Variants in GABBR2 observed in about 807,000 individuals in gnomAD.
The protein encoded by GABBR2 is gamma-aminobutyric acid type B receptor subunit 2.
A neutral mutation model predicts 105.6 loss-of-function variants in GABBR2; 23 were observed. The ratio of observed to expected loss-of-function variants is 0.22; its 90% CI spans 0.16 to 0.31. The LOEUF is 0.31. Ranked by LOEUF, GABBR2 falls within the 10% of genes least tolerant of loss-of-function variation. The pLI is 1.00. For synonymous variants in GABBR2, 478 were observed against 499.7 expected, an observed-to-expected ratio of 0.96 and a Z score of 0.58; for missense variants, 734 against 1,245.5, an observed-to-expected ratio of 0.59 and a Z score of 6.18.
intron 2 of GABBR2, among the ~76,000 whole-genome samples, chr9:98,569,672 T>C (rs1470079421): frequency 6.6e-6 from 1 of 152,206 alleles, no homozygotes; most frequent in East Asian, 1.9e-4. Context: ...CGGAGCCCAG[T>C]GTCGCTGTTA....
At chr9:98,387,321 G>T (rs1454626370) in intron 10 of GABBR2, among the ~76,000 whole-genome samples, 1 of 152,222 alleles carries the variant, frequency 6.6e-6, no homozygotes, top group Non-Finnish European at 1.5e-5. Context: ...CCAAGAGGGG[G>T]TAGTTAAGGA....
chr9:98,385,904 G>T (rs749722392), intron 10 of GABBR2, 132 bp from the exon 11 acceptor site: 3 of 681,960 alleles, frequency 4.4e-6, no homozygotes, highest in Admixed American at 5.3e-5. Flanking sequence ...ACAGAAATAC[G>T]CCATGGGGCC....
chr9:98,708,607 C>G lies in GABBR2; in HGVS notation c.131G>C (p.Arg44Pro), dbSNP rs765018232. 2.9e-6 allele frequency: 4 copies of G among 1,399,492 alleles called. No individual in the cohort carries two copies. Among genetic ancestry groups the G allele is most frequent in the South Asian group, 1.6e-5 (1 of 62,676 alleles). The allele number at this position is 1,399,492 out of a possible 1,614,324, so 86.7% of individuals were successfully genotyped here. ...PLAPGAWGWA[R>P]GAPRPPPSSP... is the part of the protein sequence containing the mutation. Reference sequence around the variant, plus strand: ...GCTGGGCGGCGGCCGGGGGGCGCCCCGCGCCCAGCCCCAGGCCCCGGGCGC... The same window carrying G: ...GCTGGGCGGCGGCCGGGGGGCGCCCGGCGCCCAGCCCCAGGCCCCGGGCGC... Residue 44 changes from arginine (R) to proline (P), a missense_variant, in exon 1 of 19, where the codon CGG becomes CCG. By Grantham distance (103) the Arg-to-Pro change is moderately radical (BLOSUM62 -2). This residue lies in a region of GABBR2 where 70 missense variants were observed against 73.4 expected (regional missense o/e 0.95). Transcript: ENST00000259455.
chr9:98,376,435 A>G (rs1488675016), intron 11 of GABBR2, among the ~76,000 whole-genome samples: 1 of 152,160 alleles, frequency 6.6e-6, no homozygotes, highest in Non-Finnish European at 1.5e-5. Flanking sequence ...ACACAGGGGC[A>G]AGTCACTTTC....
intron 2 of GABBR2, among the ~76,000 whole-genome samples, chr9:98,557,812 CA>C (rs1458923010): frequency 1.3e-5 from 2 of 152,150 alleles, no homozygotes; most frequent in African/African-American, 4.8e-5. Flanking sequence ...AATTATGAGT[CA>C]GTTTAAGGGA....
chr9:98,604,323 C>A (rs1273942589), intron 1 of GABBR2, among the ~76,000 whole-genome samples: 2 of 152,230 alleles, frequency 1.3e-5, no homozygotes, highest in Non-Finnish European at 2.9e-5. Context: ...ACAGTTTCTG[C>A]AGGACAGGAC....
chr9:98,536,778 A>G (rs1437680286), intron 3 of GABBR2, among the ~76,000 whole-genome samples: 1 of 152,076 alleles, frequency 6.6e-6, no homozygotes, highest in Non-Finnish European at 1.5e-5. Context: ...CACACGGGTT[A>G]CCTGCCTGCC....
At chr9:98,512,345 C>T (rs1038880421) in intron 3 of GABBR2, among the ~76,000 whole-genome samples, 5 of 150,568 alleles carry the variant, frequency 3.3e-5, no homozygotes, top group African/African-American at 9.8e-5. Context: ...TGAAAACGGG[C>T]ACAAGACAGG....
chr9:98,356,557 T>G (rs1313705020), intron 13 of GABBR2, among the ~76,000 whole-genome samples: 2 of 152,234 alleles, frequency 1.3e-5, no homozygotes, highest in Non-Finnish European at 2.9e-5. Context: ...CATTCATTGC[T>G]CGTGGGTTTG....
chr9:98,513,957 CAT>C (rs1387745800), intron 3 of GABBR2, among the ~76,000 whole-genome samples: 1 of 152,196 alleles, frequency 6.6e-6, no homozygotes, highest in Non-Finnish European at 1.5e-5. Flanking sequence ...CACATGCACA[CAT>C]GTGTTTATTG....
At chr9:98,671,791 C>T (rs1363911538) in intron 1 of GABBR2, among the ~76,000 whole-genome samples, 1 of 152,114 alleles carries the variant, frequency 6.6e-6, no homozygotes, top group Admixed American at 6.5e-5. Context: ...ACAGTTCACT[C>T]TGGATAAAGA....
At chr9:98,553,258 C>G (rs1466321555) in intron 2 of GABBR2, among the ~76,000 whole-genome samples, 1 of 151,972 alleles carries the variant, frequency 6.6e-6, no homozygotes, top group East Asian at 1.9e-4. Flanking sequence ...GAAACTGAGT[C>G]TCAGGGAGGT....
chr9:98,317,844 TAC>T (rs1830745237), intron 13 of GABBR2, among the ~76,000 whole-genome samples: 1 of 152,156 alleles, frequency 6.6e-6, no homozygotes, highest in African/African-American at 2.4e-5. Context: ...AACCACACAG[TAC>T]AGTTATGAAT....
At chr9:98,633,054 T>C (rs1296767863) in intron 1 of GABBR2, among the ~76,000 whole-genome samples, 1 of 152,184 alleles carries the variant, frequency 6.6e-6, no homozygotes, top group Non-Finnish European at 1.5e-5. Context: ...GTAGTGTTTG[T>C]AGATATCCGT....
In GABBR2 at chr9:98,678,051, G is replaced by T. The variant is rs1830497164; in HGVS notation, c.321+30366C>A. ...TATCAGCACGCAAGCTCTCTGGACGGAACTCTCGTTTTGTTCATTGATGTA... is the reference window on the plus strand; with the variant it reads ...TATCAGCACGCAAGCTCTCTGGACGTAACTCTCGTTTTGTTCATTGATGTA... On this transcript the variant is annotated intron_variant, in intron 1 of 18. Transcript: ENST00000259455. Among the ~76,000 whole-genome samples, 3 of 152,196 alleles carry T rather than the reference G, an allele frequency of 2.0e-5. No individual in the cohort carries two copies. In the South Asian group the frequency reaches 6.2e-4, roughly 32 times the overall value.
intron 12 of GABBR2, among the ~76,000 whole-genome samples, chr9:98,365,026 G>A (rs1168118639): frequency 6.6e-6 from 1 of 152,162 alleles, no homozygotes; most frequent in Non-Finnish European, 1.5e-5. Context: ...TTTCTCATTT[G>A]TAAAATGGGC....
intron 4 of GABBR2, among the ~76,000 whole-genome samples, chr9:98,486,452 C>T (rs558177136): frequency 2.0e-5 from 3 of 152,328 alleles, no homozygotes; most frequent in South Asian, 2.1e-4. Context: ...TGAGGGACCA[C>T]GCCCTCCAGC....
Position 98,689,790 on chromosome 9 carries a change from T to G in GABBR2, c.321+18627A>C, listed in dbSNP as rs183816115. Among the ~76,000 whole-genome samples the G allele has an allele frequency of 2.6e-5, 4 of 152,350 alleles. No individual in the cohort carries two copies. The East Asian group carries it at 5.8e-4, about 22-fold the overall frequency. ...TACAAAGATCTGAACGCTTTTAAAT[T>G]GGTTTCTTATACACATCCAAACCAC... On this transcript the variant is annotated intron_variant, in intron 1 of 18. Transcript: ENST00000259455.
At chr9:98,510,475 C>T (rs1444613179) in intron 3 of GABBR2, among the ~76,000 whole-genome samples, 1 of 152,016 alleles carries the variant, frequency 6.6e-6, no homozygotes, top group Non-Finnish European at 1.5e-5. Flanking sequence ...CACAGACTGG[C>T]AAATTGGATA....
Sources: allele counts gnomAD v4.1 joint callset (sites outside exome capture counted in the v4.1 genomes callset), GRCh38; gene constraint gnomAD v4.1.1; regional missense constraint gnomAD v4.1.1; transcripts MANE v1.5; gene names NCBI Gene and HGNC (gene_info 2026-07-23, HGNC 2026-07-21).